Variants in ROR2 observed in about 807,000 individuals in gnomAD.
ROR2 encodes ROR family WNT receptor 2.
Under a neutral mutation model 74.9 loss-of-function variants are expected in ROR2, and 33 were observed. The observed-to-expected ratio is 0.44, with a 90% CI of 0.33 to 0.59. The LOEUF (loss-of-function observed/expected upper bound fraction) is 0.59, where lower values mean the gene tolerates loss of function less well. ROR2 is among the 20% of genes least tolerant of loss of function. The pLI is 0.02. For missense variants in ROR2, 1,216 were observed against 1,313.8 expected, an observed-to-expected ratio of 0.93 and a Z score of 1.15; for synonymous variants, 586 against 558.7, an observed-to-expected ratio of 1.05 and a Z score of -0.69.
At chr9:91,904,568 G>A (rs867796324) in intron 1 of ROR2, among the ~76,000 whole-genome samples, 3 of 152,230 alleles carry the variant, frequency 2.0e-5, no homozygotes, top group Non-Finnish European at 2.9e-5. Flanking sequence ...GAGCAAGGAA[G>A]TGGAATCAGG....
At chr9:91,867,237 T>C (rs1829661215) in intron 1 of ROR2, among the ~76,000 whole-genome samples, 1 of 152,256 alleles carries the variant, frequency 6.6e-6, no homozygotes, top group Non-Finnish European at 1.5e-5. Flanking sequence ...AAGATAAGTA[T>C]ATCTTTCCCC....
At position 91,723,996 on chromosome 9, in the gene ROR2, T is replaced by C; in HGVS notation, c.2498A>G (p.Tyr833Cys). ...GYQPVPAYGA[Y>C]LPNFYPVQIP... ...CTGCACCGGGTAGAAGTTGGGCAGG[T>C]AGGCCCCATAGGCCGGCACCGGCTG... Residue 833 changes from tyrosine to cysteine, a missense_variant, in exon 9 of 9, where the codon TAC (tyrosine) becomes TGC (cysteine). Coordinates refer to ENST00000375708, the MANE Select transcript of ROR2 (RefSeq NM_004560.4). 3 of 1,612,748 alleles carry C rather than the reference T, an allele frequency of 1.9e-6. No homozygotes were observed. Among genetic ancestry groups the C allele is most frequent in the Non-Finnish European group, 1.7e-6 (2 of 1,180,000 alleles).
intron 1 of ROR2, among the ~76,000 whole-genome samples, chr9:91,876,954 A>G (rs1178520118): frequency 1.3e-5 from 2 of 152,192 alleles, no homozygotes; most frequent in Non-Finnish European, 2.9e-5. Flanking sequence ...CACAACTGAG[A>G]ACGAACAAAA....
At chr9:91,795,122 GAA>G (rs973449347) in intron 1 of ROR2, among the ~76,000 whole-genome samples, 1 of 141,674 alleles carries the variant, frequency 7.1e-6, no homozygotes, top group Non-Finnish European at 1.6e-5. Context: ...CATCTCAATA[GAA>G]AAAAAAAAAA....
intron 2 of ROR2, among the ~76,000 whole-genome samples, chr9:91,764,512 A>C (rs1156760954): frequency 6.6e-6 from 1 of 151,870 alleles, no homozygotes; most frequent in Non-Finnish European, 1.5e-5. Context: ...AATTTAGCAA[A>C]GTCCCCCAAT....
Position 91,724,177 on chromosome 9 carries a change from G to C in ROR2, c.2317C>G (p.Leu773Val). 1 of 1,612,536 alleles carries C rather than the reference G, an allele frequency of 6.2e-7. No individual in the cohort carries two copies. Among genetic ancestry groups the C allele is most frequent in the Non-Finnish European group, 8.5e-7 (1 of 1,180,018 alleles). ...GASNTTQTSS[L>V]STSPVSNVSN... ...ACATTGCTCACTGGGCTGGTGCTCAGGGAGCTGGTCTGCGTGGTGTTGCTG... is the reference window on the plus strand; with the variant it reads ...ACATTGCTCACTGGGCTGGTGCTCACGGAGCTGGTCTGCGTGGTGTTGCTG... The change falls in exon 9 of 9, where the codon CTG becomes GTG. Residue 773 changes from leucine (L) to valine (V), a missense_variant. By Grantham distance (32) the Leu-to-Val change is conservative. Coordinates refer to ENST00000375708, the MANE Select transcript of ROR2 (RefSeq NM_004560.4).
At chr9:91,759,952 T>C (rs140353103) in intron 2 of ROR2, among the ~76,000 whole-genome samples, 28 of 152,310 alleles carry the variant, frequency 1.8e-4, no homozygotes, top group African/African-American at 5.8e-4. Flanking sequence ...GTGAGTAAAA[T>C]TGAGCCTTCA....
At position 91,723,552 on chromosome 9, in the gene ROR2, G is replaced by A; in HGVS notation, c.*110C>T. On this transcript the variant is annotated 3_prime_UTR_variant, in exon 9 of 9. Transcript: ENST00000375708. ...CACCCAGTCTGCAAACAAGCCCACT[G>A]GCCGGCGGGCTCTTGTGATTGCTGA... The A allele has an allele frequency of 6.7e-7, 1 of 1,490,058 alleles. No individual in the cohort carries two copies. The highest frequency in any genetic ancestry group is 9.0e-7 in the Non-Finnish European group (1 of 1,107,988). 92.3% of individuals were successfully genotyped at this position (1,490,058 alleles called of 1,614,324 possible).
intron 1 of ROR2, among the ~76,000 whole-genome samples, chr9:91,800,354 A>AG (rs112511834): frequency 7.4e-5 from 11 of 149,388 alleles, no homozygotes; most frequent in East Asian, 4.0e-4. Flanking sequence ...AAAAAAAAAA[A>AG]AGAGAGAGAG....
At chr9:91,940,675 A>G (rs1354950551) in intron 1 of ROR2, among the ~76,000 whole-genome samples, 1 of 140,430 alleles carries the variant, frequency 7.1e-6, no homozygotes, top group Non-Finnish European at 1.5e-5. Flanking sequence ...GCTCACTGTG[A>G]CCTCTGCCTC....
intron 1 of ROR2, among the ~76,000 whole-genome samples, chr9:91,845,685 G>A (rs1489501422): frequency 1.3e-5 from 2 of 151,776 alleles, no homozygotes; most frequent in African/African-American, 4.8e-5. Flanking sequence ...CGTTTGAGAA[G>A]AGCCTGGCCA....
chr9:91,786,158 CAAA>C (rs35972600), intron 1 of ROR2, among the ~76,000 whole-genome samples: 1 of 56,540 alleles, frequency 1.8e-5, no homozygotes, highest in African/African-American at 7.5e-5. Flanking sequence ...CTGTTTCTAC[CAAA>C]AAAAAAAAAA....
At chr9:91,841,626 G>A (rs147627979) in intron 1 of ROR2, among the ~76,000 whole-genome samples, 1 of 152,328 alleles carries the variant, frequency 6.6e-6, no homozygotes, top group Non-Finnish European at 1.5e-5. Flanking sequence ...GCAAAAGCTG[G>A]TGCTCAGCAG....
intron 1 of ROR2, among the ~76,000 whole-genome samples, chr9:91,928,300 G>A (rs1268373892): frequency 1.3e-5 from 2 of 152,022 alleles, no homozygotes; most frequent in East Asian, 1.9e-4. Context: ...CTGCCCCTCT[G>A]CCTCCCAACC....
At chr9:91,882,410 C>CAAAA (rs35759814) in intron 1 of ROR2, among the ~76,000 whole-genome samples, 1 of 118,628 alleles carries the variant, frequency 8.4e-6, no homozygotes, top group Non-Finnish European at 1.9e-5. Context: ...GACTCTGTCT[C>CAAAA]AAAAAAAAAA....
intron 1 of ROR2, among the ~76,000 whole-genome samples, chr9:91,810,692 A>G (rs1378309116): frequency 1.3e-5 from 2 of 152,186 alleles, no homozygotes; most frequent in Non-Finnish European, 2.9e-5. Flanking sequence ...AGGCTGCCAC[A>G]AGGACAACCG....
intron 1 of ROR2, among the ~76,000 whole-genome samples, chr9:91,862,620 C>T (rs1285799599): frequency 1.3e-5 from 2 of 152,092 alleles, no homozygotes; most frequent in African/African-American, 4.8e-5. Context: ...CATGAACACA[C>T]CACCGCACTG....
rs1826397141 is a variant in ROR2 at position 91,775,760 on chromosome 9, G to A, written c.156C>T (p.Gly52=). 2 of 1,614,156 alleles carry A rather than the reference G, an allele frequency of 1.2e-6. No individual in the cohort carries two copies. Among genetic ancestry groups the A allele is most frequent in the African/African-American group, 2.7e-5 (2 of 75,026 alleles). Residue 52 remains glycine, a synonymous_variant, in exon 2 of 9, where the codon GGC becomes GGT. Coordinates refer to ENST00000375708, the MANE Select transcript of ROR2 (RefSeq NM_004560.4). ...DPLGPLDGQD[G]PIPTLKGYFL... ...GCTCACCTTTCAGAGTTGGAATCGG[G>A]CCGTCCTGCCCATCAAGGGGTCCTA...
intron 1 of ROR2, chr9:91,924,013 C>A (rs117432888): frequency 0.019 from 2,942 of 152,382 alleles, 38 homozygotes; most frequent in Non-Finnish European, 0.032. Context: ...ATCCCAATTG[C>A]AGTCCATACT....
Sources: allele counts gnomAD v4.1 joint callset (sites outside exome capture counted in the v4.1 genomes callset), GRCh38; gene constraint gnomAD v4.1.1; transcripts MANE v1.5; gene names NCBI Gene and HGNC (gene_info 2026-07-23, HGNC 2026-07-21).